The following COL4A4 variants were observed in gnomAD, a reference collection of about 807,000 sequenced individuals.
COL4A4 encodes the protein collagen type IV alpha 4 chain.
COL4A4 carries 105 observed loss-of-function variants against 192.9 expected under a neutral mutation model. The ratio of observed to expected loss-of-function variants is 0.54; its 90% confidence interval spans 0.46 to 0.64. The LOEUF (loss-of-function observed/expected upper bound fraction) is 0.64. Ranked by LOEUF, COL4A4 falls within the 30% of genes least tolerant of loss-of-function variation. COL4A4 has a pLI of 0.00. For synonymous variants in COL4A4, 762 were observed against 769.9 expected (o/e 0.99, Z 0.17); for missense variants, 1,967 against 2,169.3 (o/e 0.91, Z 1.85).
chr2:227,074,383 T>C (rs1410322043), intron 25 of COL4A4, among the ~76,000 whole-genome samples: 2 of 152,110 alleles, frequency 1.3e-5, no homozygotes, highest in Non-Finnish European at 2.9e-5. Context: ...ATGGCCATTA[T>C]TTAAAGACAA....
rs1000229129 is a variant in COL4A4 at position 227,056,195 on chromosome 2, T to C, written c.2546-80A>G. The C allele has an allele frequency of 1.5e-5, 18 of 1,232,168 alleles. No homozygotes were observed. In the East Asian group the frequency reaches 3.9e-4, roughly 27 times the overall value. 76.3% of individuals were successfully genotyped at this position (1,232,168 alleles called of 1,614,324 possible). On this transcript the variant is annotated intron_variant, in intron 29 of 47. Transcript: ENST00000396625. ...ACAGCAGGAAAAATATACAGTAGCT[T>C]AAACAATGCGTTAAACAACAGTAAA...
At chr2:227,080,303 G>A (rs2059254086) in intron 24 of COL4A4, 140 bp downstream of exon 24, 1 of 787,804 alleles carries the variant, frequency 1.3e-6, no homozygotes, top group African/African-American at 1.7e-5. Context: ...TTCCATGTCA[G>A]GGTGCCAAAA....
chr2:227,062,664 A>C, intron 25 of COL4A4, 66 bp from the exon 26 acceptor site: 3 of 1,081,068 alleles, frequency 2.8e-6, no homozygotes, highest in Non-Finnish European at 4.3e-6. Flanking sequence ...AGTCTGTCTC[A>C]ATGACAACTT....
In COL4A4 at chr2:227,054,709, A is replaced by G; in HGVS notation, c.2745T>C (p.Gly915=). ...KGPRGLPGFP[G]FPGERGKPGA... is the part of the protein sequence containing the mutation. Reference sequence around the variant, plus strand: ...CAGGCTTTCCTCTTTCTCCGGGAAAACCTGGGAAACCAGGCAGCCCCCGGG... The same window carrying G: ...CAGGCTTTCCTCTTTCTCCGGGAAAGCCTGGGAAACCAGGCAGCCCCCGGG... The change falls in exon 31 of 48, where the codon GGT becomes GGC. Residue 915 remains glycine (G), a synonymous_variant. Transcript: ENST00000396625. 1 of 1,614,078 alleles carries G rather than the reference A, an allele frequency of 6.2e-7. No individual in the cohort carries two copies. Among genetic ancestry groups the G allele is most frequent in the Non-Finnish European group, 8.5e-7 (1 of 1,180,008 alleles).
chr2:227,016,214 A>G (rs1301376795), intron 44 of COL4A4, among the ~76,000 whole-genome samples: 1 of 152,140 alleles, frequency 6.6e-6, no homozygotes, highest in East Asian at 1.9e-4. Context: ...ACAGCCCTCC[A>G]GGATAAAGAA....
intron 44 of COL4A4, among the ~76,000 whole-genome samples, chr2:227,014,122 G>A (rs1217937483): frequency 6.6e-6 from 1 of 152,180 alleles, no homozygotes; most frequent in East Asian, 1.9e-4. Context: ...TAGCTAACTT[G>A]CCTAGAGCAA....
intron 3 of COL4A4, among the ~76,000 whole-genome samples, chr2:227,141,324 G>A (rs755360126): frequency 8.5e-5 from 13 of 152,184 alleles, no homozygotes; most frequent in African/African-American, 1.4e-4. Context: ...GTAAACTCAA[G>A]CCTTTAGACC....
intron 28 of COL4A4, among the ~76,000 whole-genome samples, chr2:227,058,098 T>C (rs1975939743): frequency 6.6e-6 from 1 of 152,218 alleles, no homozygotes; most frequent in Admixed American, 6.5e-5. Flanking sequence ...TTTCTTTACA[T>C]TTTGGTTCAT....
chr2:227,069,668 G>A (rs866994360), intron 25 of COL4A4, among the ~76,000 whole-genome samples: 60 of 152,278 alleles, frequency 3.9e-4, no homozygotes, highest in African/African-American at 1.2e-3. Context: ...CTAGCCATAC[G>A]TAGAAAGCTG....
the COL4A4 span, among the ~76,000 whole-genome samples, chr2:226,968,611 A>T: frequency 3.3e-5 from 5 of 152,206 alleles, no homozygotes; most frequent in Non-Finnish European, 7.3e-5. Context: ...CACTTGACAC[A>T]CAAAAAAGAG....
chr2:227,018,771 G>A (rs1965431246), intron 44 of COL4A4, among the ~76,000 whole-genome samples: 1 of 152,162 alleles, frequency 6.6e-6, no homozygotes, highest in South Asian at 2.1e-4. Flanking sequence ...GAGGGCACAG[G>A]AACCCAGGGA....
At chr2:227,067,800 T>G (rs1412677165) in intron 25 of COL4A4, among the ~76,000 whole-genome samples, 2 of 150,874 alleles carry the variant, frequency 1.3e-5, no homozygotes, top group African/African-American at 4.9e-5. Context: ...ACATCACAAT[T>G]AAAAGAACTA....
intron 2 of COL4A4, among the ~76,000 whole-genome samples, chr2:227,146,621 AT>A (rs1233842857): frequency 1.3e-5 from 2 of 152,116 alleles, no homozygotes; most frequent in Admixed American, 6.5e-5. Flanking sequence ...GAAGTCTGAA[AT>A]GGGTCTGACT....
At chr2:226,985,060 T>TA in the COL4A4 span, among the ~76,000 whole-genome samples, 1 of 152,144 alleles carries the variant, frequency 6.6e-6, no homozygotes, top group African/African-American at 2.4e-5. Flanking sequence ...TTTTGAGTAT[T>TA]ACTGCATCCA....
chr2:227,054,679 T>C lies in COL4A4; in HGVS notation c.2775A>G (p.Ala925=). The change falls in exon 31 of 48, where the codon GCA becomes GCG. Residue 925 remains alanine, a synonymous_variant. Transcript: ENST00000396625. ...GFPGERGKPG[A]EGCPGAKGEP... Reference sequence around the variant, plus strand: ...CTCCCTTTGCGCCAGGACATCCCTCTGCACCAGGCTTTCCTCTTTCTCCGG... The same window carrying C: ...CTCCCTTTGCGCCAGGACATCCCTCCGCACCAGGCTTTCCTCTTTCTCCGG... 6.2e-7 allele frequency: 1 copy of C among 1,614,248 alleles called. No homozygotes were observed.
chr2:227,106,727 G>A (rs142232561), intron 12 of COL4A4, among the ~76,000 whole-genome samples: 4,529 of 152,136 alleles, frequency 0.03, 99 homozygotes, highest in Middle Eastern at 0.065. Context: ...CACCATGCCC[G>A]GCTAATTTTT....
chr2:227,016,877 G>A (rs1042313717), intron 44 of COL4A4, among the ~76,000 whole-genome samples: 1 of 152,154 alleles, frequency 6.6e-6, no homozygotes, highest in Non-Finnish European at 1.5e-5. Flanking sequence ...AGGTGAGAAA[G>A]GAAACATCCC....
chr2:227,059,568 A>AG lies in COL4A4; in HGVS notation c.2219dup (p.Val741CysfsTer47), dbSNP rs141127013. On this transcript the variant is annotated frameshift_variant, in exon 28 of 48. Coordinates refer to ENST00000396625, the MANE Select transcript of COL4A4 (RefSeq NM_000092.5). LOFTEE classifies it high-confidence loss of function. ...AGCCGGGAGGGCCTGGGGGCCCAAC[A>AG]GGGGAGGACCCCTTTTCACCTCCAA... is the stretch of plus-strand genomic sequence containing the variant. 6.2e-7 allele frequency: 1 copy of AG among 1,614,110 alleles called. No homozygotes were observed.
At chr2:226,986,453 T>C in the COL4A4 span, among the ~76,000 whole-genome samples, 1 of 152,118 alleles carries the variant, frequency 6.6e-6, no homozygotes, top group African/African-American at 2.4e-5. Flanking sequence ...TTTAAAATTA[T>C]TCCAAAATAA....
Sources: gnomAD v4.1 joint callset for allele counts (sites outside exome capture counted in the v4.1 genomes callset) on GRCh38, gnomAD v4.1.1 for gene constraint, MANE v1.5 for transcripts, NCBI Gene and HGNC (gene_info 2026-07-23, HGNC 2026-07-21) for gene names.